ZFAND5: variants seen among roughly 807,000 people sequenced by gnomAD.
ZFAND5 encodes zinc finger AN1-type containing 5, also known as AN1-type zinc finger protein 5.
ZFAND5 carries 4 observed loss-of-function variants against 23.6 expected under a neutral mutation model. The ratio of observed to expected loss-of-function variants is 0.17; its 90% CI spans 0.08 to 0.39. ZFAND5 has a LOEUF of 0.39. Ranked by LOEUF, ZFAND5 falls within the 10% of genes least tolerant of loss-of-function variation. The pLI, the probability that ZFAND5 is intolerant of heterozygous loss-of-function variation, is 1.00. For missense variants in ZFAND5, 161 were observed against 253.7 expected, an observed-to-expected ratio of 0.63 and a Z score of 2.48; for synonymous variants, 68 against 80.6, an observed-to-expected ratio of 0.84 and a Z score of 0.84.
In ZFAND5 at chr9:72,352,609, C is replaced by A. The variant is rs1841805918; in HGVS notation, c.*3344G>T. On this transcript the variant is annotated 3_prime_UTR_variant, in exon 7 of 7. Transcript: ENST00000376962. The stretch of plus-strand genomic sequence containing the variant: ...TATTTCCTAGCAACTTTATTTAATG[C>A]AGATCTCTTGCAAAGAAAGCCTTAC... 1 of 152,164 alleles carries A rather than the reference C, an allele frequency of 6.6e-6. No homozygotes were observed. The highest frequency in any genetic ancestry group is 2.1e-4 in the South Asian group (1 of 4,836). The allele number at this position is 152,164 out of a possible 1,614,324, so 9.4% of individuals were successfully genotyped here.
At chr9:72,358,665 A>G (rs980640174) in intron 5 of ZFAND5, among the ~76,000 whole-genome samples, 1 of 152,174 alleles carries the variant, frequency 6.6e-6, no homozygotes, top group African/African-American at 2.4e-5. Context: ...TTAATACAAT[A>G]AACAAACTTG....
rs796311950 is a variant in ZFAND5 at position 72,361,959 on chromosome 9, A to T, written c.-9-1172T>A. On this transcript the variant is annotated intron_variant, in intron 2 of 6. Transcript: ENST00000376962. The stretch of plus-strand genomic sequence containing the variant: ...TACACTTTTTAGTGAGTTATTAAAA[A>T]ACGATGTTTTAACAAGTATTAACTA... 2.6e-5 allele frequency among the ~76,000 whole-genome samples: 4 copies of T among 152,360 alleles called. 1 individual carries two copies. The highest frequency in any genetic ancestry group is 9.6e-5 in the African/African-American group (4 of 41,576).
At chr9:72,362,090 C>T (rs1765614128) in intron 2 of ZFAND5, among the ~76,000 whole-genome samples, 1 of 152,198 alleles carries the variant, frequency 6.6e-6, no homozygotes, top group South Asian at 2.1e-4. Context: ...AGTAAAAGTG[C>T]ACCATACAAA....
intron 6 of ZFAND5, 86 bp from the exon 7 acceptor site, chr9:72,356,187 G>C (rs1487381514): frequency 3.4e-6 from 5 of 1,484,312 alleles, no homozygotes; most frequent in Non-Finnish European, 4.5e-6. Flanking sequence ...AAAGGAACCA[G>C]ATTTTCATTG....
chr9:72,363,022 TGTA>T (rs1280849533), intron 2 of ZFAND5, among the ~76,000 whole-genome samples: 1 of 152,140 alleles, frequency 6.6e-6, no homozygotes, highest in African/African-American at 2.4e-5. Context: ...TTTTTCCTAA[TGTA>T]GGAAAAACTA....
chr9:72,355,958 T>G lies in ZFAND5; in HGVS notation c.637A>C (p.Ile213Leu), dbSNP rs751298879. 1 of 1,603,606 alleles carries G rather than the reference T, an allele frequency of 6.2e-7. No individual in the cohort carries two copies. The highest frequency in any genetic ancestry group is 8.5e-7 in the Non-Finnish European group (1 of 1,176,632). ...GTCTCTTCACAAGAAGTAATTTATA[T>G]TCTCTGAATTTTTTCAGCCACAACA... is the stretch of plus-strand genomic sequence containing the variant. The part of the protein sequence containing the change: ...PVVVAEKIQR[I>L] The change falls in exon 7 of 7, where the codon ATA becomes CTA. Residue 213 changes from isoleucine to leucine, a missense_variant. Transcript: ENST00000376962.
rs1246758212 is a variant in ZFAND5 at position 72,352,644 on chromosome 9, T to C, written c.*3309A>G. The C allele has an allele frequency of 2.0e-5, 3 of 152,270 alleles. No individual in the cohort carries two copies. The highest frequency in any genetic ancestry group is 4.4e-5 in the Non-Finnish European group (3 of 68,036). 9.4% of individuals were successfully genotyped at this position (152,270 alleles called of 1,614,324 possible). A position where few individuals can be genotyped will look rare whatever the true frequency, so the allele number is the denominator to read the frequency against. ...GCAAAGAAAGCCTTACGGAAAAGAA[T>C]GATTCTAATGACTTTAAACTGCAAG... On this transcript the variant is annotated 3_prime_UTR_variant, in exon 7 of 7. Transcript: ENST00000376962.
At position 72,355,166 on chromosome 9, in the gene ZFAND5, A is replaced by G. The variant is rs1841905733; in HGVS notation, c.*787T>C. 1 of 152,670 alleles carries G rather than the reference A, an allele frequency of 6.6e-6. No homozygotes were observed. Among genetic ancestry groups the G allele is most frequent in the African/African-American group, 2.4e-5 (1 of 41,462 alleles). 9.5% of individuals were successfully genotyped at this position (152,670 alleles called of 1,614,324 possible). On this transcript the variant is annotated 3_prime_UTR_variant, in exon 7 of 7. Transcript: ENST00000376962. Reference sequence around the variant, plus strand: ...TTCAATAGAGCTGCTGTATGTGAAAACCAAACGTAGAGTTTAAATTTCTTC... The same window carrying G: ...TTCAATAGAGCTGCTGTATGTGAAAGCCAAACGTAGAGTTTAAATTTCTTC...
chr9:72,364,929 G>A lies in ZFAND5; in HGVS notation c.-380C>T, dbSNP rs1447370335. The A allele has an allele frequency of 6.5e-6, 1 of 153,146 alleles. No individual in the cohort carries two copies. Among genetic ancestry groups the A allele is most frequent in the Non-Finnish European group, 1.5e-5 (1 of 68,820 alleles). The allele number at this position is 153,146 out of a possible 1,614,324, so 9.5% of individuals were successfully genotyped here. On this transcript the variant is annotated 5_prime_UTR_variant, in exon 1 of 7. Coordinates refer to ENST00000376962, the MANE Select transcript of ZFAND5 (RefSeq NM_001102420.3). ...CCGGAGCTCGGGAAGTGGGAGGAGG[G>A]AAGCGAGGGGGGGCCGAGGAGGAGG...
At chr9:72,356,843 G>C in intron 6 of ZFAND5, 88 bp downstream of exon 6, 2 of 1,303,788 alleles carry the variant, frequency 1.5e-6, no homozygotes, top group Non-Finnish European at 1.0e-6. Flanking sequence ...TTTTTTATGT[G>C]TAAGACCAAC....
At chr9:72,364,313 AG>A (rs1464241670) in intron 1 of ZFAND5, 6 of 788,936 alleles carry the variant, frequency 7.6e-6, no homozygotes, top group Non-Finnish European at 9.9e-6. Flanking sequence ...GGGGAGAGCT[AG>A]GGGGGGCTGC....
chr9:72,359,839 A>C (rs1196351396), intron 4 of ZFAND5, among the ~76,000 whole-genome samples: 1 of 152,182 alleles, frequency 6.6e-6, no homozygotes, highest in South Asian at 2.1e-4. Flanking sequence ...TGGCCCAATA[A>C]TATTCTACAG....
At chr9:72,363,006 G>A (rs1235903311) in intron 2 of ZFAND5, among the ~76,000 whole-genome samples, 1 of 152,146 alleles carries the variant, frequency 6.6e-6, no homozygotes, top group Non-Finnish European at 1.5e-5. Context: ...AAAAAGGGCT[G>A]CTAGTTTTTT....
rs771665248 is a variant in ZFAND5, at chr9:72,360,123, A to G, written c.250T>C (p.Ser84Pro). 7 of 1,610,264 alleles carry G rather than the reference A, an allele frequency of 4.3e-6. No homozygotes were observed. Among genetic ancestry groups the G allele is most frequent in the Non-Finnish European group, 5.9e-6 (7 of 1,178,688 alleles). ...GTTCAATCTTACCTTGATTTTTCAGATGTGCTGCCAGCAGCACCTTCACAG... is the reference window on the plus strand; with the variant it reads ...GTTCAATCTTACCTTGATTTTTCAGGTGTGCTGCCAGCAGCACCTTCACAG... ...NNCEGAAGST[S>P]EKSRNVPVAA... Residue 84 changes from serine (S) to proline (P), a missense_variant, in exon 4 of 7, where the codon TCT (serine) becomes CCT (proline). This residue lies in a region of ZFAND5 where 116 missense variants were observed against 115.2 expected (regional missense o/e 1.01). Coordinates refer to ENST00000376962, the MANE Select transcript of ZFAND5 (RefSeq NM_001102420.3).
rs79667343 is a variant in ZFAND5, at chr9:72,363,863, C to T, written c.-146-257G>A. 1,045 of 155,806 alleles carry T rather than the reference C, an allele frequency of 6.7e-3. 8 individuals are homozygous for T. The highest frequency in any genetic ancestry group is 0.024 in the African/African-American group (989 of 41,610). The allele number at this position is 155,806 out of a possible 1,614,324, so 9.7% of individuals were successfully genotyped here. ...TATATGTTCCTTTATCTTGGTATCT[C>T]CTTAGATGCTATCCCTTAGGAGACA... On this transcript the variant is annotated intron_variant, in intron 1 of 6. Coordinates refer to ENST00000376962, the MANE Select transcript of ZFAND5 (RefSeq NM_001102420.3).
rs1841916475 is a variant in ZFAND5 at position 72,355,419 on chromosome 9, A to C, written c.*534T>G. Reference sequence around the variant, plus strand: ...TTAACCAGGCTTATATATGGCGCCAAATACTGGTTTCACGGGAAAGAAGGT... The same window carrying C: ...TTAACCAGGCTTATATATGGCGCCACATACTGGTTTCACGGGAAAGAAGGT... On this transcript the variant is annotated 3_prime_UTR_variant, in exon 7 of 7. Transcript: ENST00000376962. 1 of 152,712 alleles carries C rather than the reference A, an allele frequency of 6.5e-6. No homozygotes were observed. Among genetic ancestry groups the C allele is most frequent in the Non-Finnish European group, 1.5e-5 (1 of 68,088 alleles). The allele number at this position is 152,712 out of a possible 1,614,324, so 9.5% of individuals were successfully genotyped here. A position where few individuals can be genotyped will look rare whatever the true frequency, so the allele number is the denominator to read the frequency against.
rs1375659649 is a variant in ZFAND5, at chr9:72,355,575, C to T, written c.*378G>A. ...GTGTACCATTTTAAAAAAATACAGG[C>T]ACATAACACTAGCCAAAGATTATAC... On this transcript the variant is annotated 3_prime_UTR_variant, in exon 7 of 7. Transcript: ENST00000376962. 2 of 155,442 alleles carry T rather than the reference C, an allele frequency of 1.3e-5. No individual in the cohort carries two copies. The highest frequency in any genetic ancestry group is 2.4e-5 in the African/African-American group (1 of 41,530). 9.6% of individuals were successfully genotyped at this position (155,442 alleles called of 1,614,324 possible).
intron 6 of ZFAND5, 101 bp from the exon 7 acceptor site, chr9:72,356,202 G>C (rs921147318): frequency 4.2e-6 from 6 of 1,422,012 alleles, no homozygotes; most frequent in Admixed American, 2.5e-5. Context: ...TCATTGCTTT[G>C]TAACATAAAA....
intron 6 of ZFAND5, 35 bp downstream of exon 6, chr9:72,356,896 A>G: frequency 6.2e-7 from 1 of 1,609,460 alleles, no homozygotes; most frequent in South Asian, 1.1e-5. Context: ...TTAACTGCAG[A>G]AGTAAAACAT....
Sources: allele counts gnomAD v4.1 joint callset (sites outside exome capture counted in the v4.1 genomes callset), GRCh38; gene constraint gnomAD v4.1.1; regional missense constraint gnomAD v4.1.1; transcripts MANE v1.5; gene names NCBI Gene and HGNC (gene_info 2026-07-23, HGNC 2026-07-21).